The following HIVEP3 variants were observed in gnomAD, a reference collection of about 807,000 sequenced individuals.
HIVEP3 encodes HIVEP zinc finger 3, also known as transcription factor HIVEP3.
In HIVEP3, 49 loss-of-function variants were observed where a neutral mutation model predicts 152.8. That is an observed-to-expected ratio of 0.32 (90% CI 0.26 to 0.41). The LOEUF is 0.41. HIVEP3 is among the 10% of genes least tolerant of loss of function. The pLI is 1.00. For missense variants in HIVEP3, 2,790 were observed against 3,103.3 expected (o/e 0.90, Z 2.40); for synonymous variants, 1,269 against 1,289.0 (o/e 0.98, Z 0.33).
At chr1:41,870,243 A>C (rs79457985) in intron 1 of HIVEP3, among the ~76,000 whole-genome samples, 1 of 151,968 alleles carries the variant, frequency 6.6e-6, no homozygotes, top group Non-Finnish European at 1.5e-5. Flanking sequence ...TCACTTCCCC[A>C]AAAAAAGCCC....
intron 1 of HIVEP3, among the ~76,000 whole-genome samples, chr1:41,885,758 C>G (rs1179212305): frequency 1.4e-5 from 2 of 147,324 alleles, no homozygotes; most frequent in African/African-American, 5.1e-5. Context: ...TTCCCCCTTC[C>G]CTTCCATTCC....
At chr1:41,861,592 A>G (rs1643888069) in intron 1 of HIVEP3, among the ~76,000 whole-genome samples, 1 of 152,324 alleles carries the variant, frequency 6.6e-6, no homozygotes, top group Admixed American at 6.5e-5. Context: ...GGAGACTGTG[A>G]GCGCCGCATG....
chr1:41,917,162 A>T (rs1481095127), intron 1 of HIVEP3, among the ~76,000 whole-genome samples: 1 of 152,180 alleles, frequency 6.6e-6, no homozygotes, highest in African/African-American at 2.4e-5. Context: ...CAACTTCTTC[A>T]GTCTGGGGGA....
At chr1:41,670,110 G>A (rs113584804) in intron 2 of HIVEP3, among the ~76,000 whole-genome samples, 2,179 of 152,300 alleles carry the variant, frequency 0.014, 27 homozygotes, top group Non-Finnish European at 0.021. Context: ...CACTCAATAT[G>A]GGTCCTGGCA....
intron 1 of HIVEP3, among the ~76,000 whole-genome samples, chr1:41,882,453 G>A (rs549040764): frequency 1.3e-5 from 2 of 152,324 alleles, no homozygotes; most frequent in South Asian, 4.1e-4. Context: ...ACAGAAGGCT[G>A]TGGTCATCTC....
At chr1:41,951,057 T>C (rs978926084) in intron 1 of HIVEP3, among the ~76,000 whole-genome samples, 5 of 152,242 alleles carry the variant, frequency 3.3e-5, no homozygotes, top group Non-Finnish European at 7.3e-5. Flanking sequence ...CTGACTGTGC[T>C]GGAAATCCCC....
chr1:41,755,734 A>G (rs1647279268), intron 1 of HIVEP3, among the ~76,000 whole-genome samples: 1 of 152,232 alleles, frequency 6.6e-6, no homozygotes, highest in South Asian at 2.1e-4. Context: ...GTTCAATGTC[A>G]TTAGCCATTA....
chr1:42,003,804 A>C, intron 1 of HIVEP3, among the ~76,000 whole-genome samples: 1 of 150,770 alleles, frequency 6.6e-6, no homozygotes, highest in Admixed American at 6.6e-5. Flanking sequence ...AAAAAAAGGC[A>C]CTCTCGTCAC....
intron 3 of HIVEP3, among the ~76,000 whole-genome samples, chr1:41,601,084 G>A (rs1358878138): frequency 5.3e-5 from 8 of 152,048 alleles, no homozygotes; most frequent in Non-Finnish European, 1.0e-4. Flanking sequence ...GATTTATTTC[G>A]GGTTCTCTGT....
At position 41,882,704 on chromosome 1, in the gene HIVEP3, C is replaced by T. The variant is rs141305876; in HGVS notation, c.-801+35709G>A. On this transcript the variant is annotated intron_variant, in intron 1 of 8. Transcript: ENST00000372583. ...TGAGCTCCTGGAAGTCCCCTGGGCA[C>T]ATAACAAGCACTCAATCAATGAGAA... Among the ~76,000 whole-genome samples, 27 of 152,292 alleles carry T rather than the reference C, an allele frequency of 1.8e-4. No individual in the cohort carries two copies. The East Asian group carries it at 5.2e-3, about 29-fold the overall frequency.
intron 1 of HIVEP3, among the ~76,000 whole-genome samples, chr1:41,966,834 G>A (rs956077279): frequency 1.3e-5 from 2 of 151,896 alleles, no homozygotes; most frequent in Non-Finnish European, 2.9e-5. Flanking sequence ...ACATAGGCTA[G>A]AAATAGATGG....
At chr1:41,910,069 T>G (rs182542115) in intron 1 of HIVEP3, among the ~76,000 whole-genome samples, 32 of 151,870 alleles carry the variant, frequency 2.1e-4, no homozygotes, top group African/African-American at 7.2e-4. Flanking sequence ...ATAAGTTAGA[T>G]GGAAGAAAAT....
intron 1 of HIVEP3, among the ~76,000 whole-genome samples, chr1:41,810,002 T>G (rs776369809): frequency 2.0e-5 from 3 of 152,188 alleles, no homozygotes; most frequent in Non-Finnish European, 2.9e-5. Flanking sequence ...CAGATGCATG[T>G]GGGTGCAGCT....
intron 5 of HIVEP3, among the ~76,000 whole-genome samples, chr1:41,550,255 A>G (rs1290588403): frequency 1.3e-5 from 2 of 152,212 alleles, no homozygotes; most frequent in Non-Finnish European, 2.9e-5. Context: ...TAGTACTAGT[A>G]CCATGCTGTT....
chr1:41,816,933 C>T (rs1188347967), intron 1 of HIVEP3, among the ~76,000 whole-genome samples: 2 of 152,180 alleles, frequency 1.3e-5, no homozygotes, highest in Admixed American at 6.5e-5. Flanking sequence ...AAGATGTCTT[C>T]CTGACCATCT....
chr1:41,866,277 C>A (rs750743856), intron 1 of HIVEP3, among the ~76,000 whole-genome samples: 1 of 152,226 alleles, frequency 6.6e-6, no homozygotes, highest in Non-Finnish European at 1.5e-5. Context: ...GGTCCTCCAC[C>A]CCAGCTTCAG....
At chr1:41,805,321 A>G (rs915921292) in intron 1 of HIVEP3, among the ~76,000 whole-genome samples, 2 of 152,262 alleles carry the variant, frequency 1.3e-5, no homozygotes, top group African/African-American at 4.8e-5. Context: ...TAGGCAACAG[A>G]GTAAGACTCC....
At chr1:41,831,348 C>A (rs548238206) in intron 1 of HIVEP3, among the ~76,000 whole-genome samples, 1 of 152,118 alleles carries the variant, frequency 6.6e-6, no homozygotes, top group Non-Finnish European at 1.5e-5. Flanking sequence ...TTCTCATCTG[C>A]GGAATGAGAT....
intron 1 of HIVEP3, among the ~76,000 whole-genome samples, chr1:41,791,574 C>G (rs1274160583): frequency 6.7e-6 from 1 of 149,628 alleles, no homozygotes; most frequent in Non-Finnish European, 1.5e-5. Context: ...AAATCATGCT[C>G]TATGGATGGA....
Sources: allele counts gnomAD v4.1 joint callset (sites outside exome capture counted in the v4.1 genomes callset), GRCh38; gene constraint gnomAD v4.1.1; transcripts MANE v1.5; gene names NCBI Gene and HGNC (gene_info 2026-07-23, HGNC 2026-07-21).